The following PIK3AP1 variants were observed in gnomAD, a reference collection of about 807,000 sequenced individuals.
PIK3AP1 encodes phosphoinositide 3-kinase adapter protein 1.
In PIK3AP1, 21 loss-of-function variants were observed where a neutral mutation model predicts 88.1. The observed-to-expected ratio is 0.24, with a 90% confidence interval of 0.17 to 0.34. PIK3AP1 has a LOEUF of 0.34. PIK3AP1 is among the 10% of genes least tolerant of loss of function. The probability of loss-of-function intolerance (pLI) is 1.00; values close to 1 mark genes in which losing one functional copy is unlikely to be tolerated. For synonymous variants in PIK3AP1, 398 were observed against 400.0 expected (o/e 1.00, Z 0.06); for missense variants, 828 against 1,035.7 (o/e 0.80, Z 2.75).
At chr10:96,598,047 T>G (rs1242088696) in intron 16 of PIK3AP1, among the ~76,000 whole-genome samples, 6 of 146,028 alleles carry the variant, frequency 4.1e-5, no homozygotes, top group Admixed American at 6.7e-5. Context: ...TTTTGTTGTT[T>G]TTTTTTTTTT....
chr10:96,626,835 G>A lies in PIK3AP1; in HGVS notation c.1542C>T (p.His514=). 1 of 1,614,196 alleles carries A rather than the reference G, an allele frequency of 6.2e-7. No homozygotes were observed. The highest frequency in any genetic ancestry group is 8.5e-7 in the Non-Finnish European group (1 of 1,179,984). Reference sequence around the variant, plus strand: ...AAAAGGCCTCATCGTCATCCACCGTGTGATAAACATCTTCTTCCTGACCAA... The same window carrying A: ...AAAAGGCCTCATCGTCATCCACCGTATGATAAACATCTTCTTCCTGACCAA... ...CHLGQEEDVY[H]TVDDDEAFSV... The change falls in exon 10 of 17, where the codon CAC becomes CAT. Residue 514 remains histidine (H), a synonymous_variant. Coordinates refer to ENST00000339364, the MANE Select transcript of PIK3AP1 (RefSeq NM_152309.3).
intron 2 of PIK3AP1, among the ~76,000 whole-genome samples, chr10:96,703,157 T>C (rs541184937): frequency 6.6e-6 from 1 of 152,332 alleles, no homozygotes; most frequent in South Asian, 2.1e-4. Flanking sequence ...GAATTACAGT[T>C]GTGAGCCACT....
At chr10:96,699,589 T>C (rs917142122) in intron 2 of PIK3AP1, among the ~76,000 whole-genome samples, 2 of 152,206 alleles carry the variant, frequency 1.3e-5, no homozygotes, top group Admixed American at 1.3e-4. Flanking sequence ...GCAGTGACTG[T>C]CTTTCCTGCT....
At chr10:96,656,740 A>C (rs1564973055) in intron 3 of PIK3AP1, 58 bp downstream of exon 3, 1 of 1,598,458 alleles carries the variant, frequency 6.3e-7, no homozygotes, top group East Asian at 2.2e-5. Flanking sequence ...CAACAAATGC[A>C]TGCATTTGAA....
At chr10:96,656,986 G>T in intron 2 of PIK3AP1, 52 bp from the exon 3 acceptor site, 1 of 1,594,126 alleles carries the variant, frequency 6.3e-7, no homozygotes. Context: ...GAGAACTGTG[G>T]ACATGTTCCA....
intron 3 of PIK3AP1, among the ~76,000 whole-genome samples, chr10:96,654,965 C>T (rs1382850319): frequency 1.3e-5 from 2 of 152,212 alleles, no homozygotes; most frequent in African/African-American, 2.4e-5. Flanking sequence ...TACAGGGTTG[C>T]TTGGCCCCCG....
chr10:96,654,949 C>T (rs1195422795), intron 3 of PIK3AP1, among the ~76,000 whole-genome samples: 1 of 152,200 alleles, frequency 6.6e-6, no homozygotes, highest in Non-Finnish European at 1.5e-5. Flanking sequence ...GGATGCATGG[C>T]CCATGTACAG....
intron 16 of PIK3AP1, among the ~76,000 whole-genome samples, chr10:96,595,861 T>C (rs1304003481): frequency 6.6e-6 from 1 of 152,090 alleles, no homozygotes; most frequent in African/African-American, 2.4e-5. Context: ...ATTCCAAGGA[T>C]CCATCCCAGA....
intron 7 of PIK3AP1, among the ~76,000 whole-genome samples, chr10:96,646,278 T>G (rs557232573): frequency 6.6e-6 from 1 of 151,942 alleles, no homozygotes; most frequent in Non-Finnish European, 1.5e-5. Context: ...AAAAATACTT[T>G]CCCGTGAGCA....
intron 8 of PIK3AP1, among the ~76,000 whole-genome samples, chr10:96,629,589 A>G (rs1243861067): frequency 6.6e-6 from 1 of 151,648 alleles, no homozygotes; most frequent in East Asian, 1.9e-4. Flanking sequence ...ATAAAAAAGA[A>G]ACTCTGGGCC....
Position 96,620,576 on chromosome 10 carries a change from C to T in PIK3AP1, c.1736-19G>A, listed in dbSNP as rs780281146. 5 of 1,608,298 alleles carry T rather than the reference C, an allele frequency of 3.1e-6. No homozygotes were observed. Among genetic ancestry groups the T allele is most frequent in the Non-Finnish European group, 4.2e-6 (5 of 1,176,786 alleles). On this transcript the variant is annotated intron_variant, in intron 11 of 16. Transcript: ENST00000339364. Reference sequence around the variant, plus strand: ...GGCGGCCCTGGAAAGGATGGCAAAACTCAGCTTGACAGCTCCCCCACTGGG... The same window carrying T: ...GGCGGCCCTGGAAAGGATGGCAAAATTCAGCTTGACAGCTCCCCCACTGGG...
intron 2 of PIK3AP1, among the ~76,000 whole-genome samples, chr10:96,664,976 C>T (rs1589525062): frequency 6.6e-6 from 1 of 152,286 alleles, no homozygotes; most frequent in East Asian, 1.9e-4. Flanking sequence ...TGGTCTCAGA[C>T]CTTCCCACCT....
chr10:96,651,889 A>C (rs1359897859), intron 4 of PIK3AP1, among the ~76,000 whole-genome samples: 1 of 152,098 alleles, frequency 6.6e-6, no homozygotes, highest in African/African-American at 2.4e-5. Context: ...TTTGCAACTT[A>C]ATTTTCAAAA....
intron 7 of PIK3AP1, among the ~76,000 whole-genome samples, chr10:96,646,244 A>G (rs1843458147): frequency 6.6e-6 from 1 of 151,234 alleles, no homozygotes; most frequent in African/African-American, 2.4e-5. Context: ...TGGGCAACAG[A>G]GCAAGACTCT....
chr10:96,606,782 A>G (rs1849010109), intron 14 of PIK3AP1, among the ~76,000 whole-genome samples: 1 of 152,136 alleles, frequency 6.6e-6, no homozygotes. Context: ...GTTCTTTTTC[A>G]TCTTTGGTTC....
In PIK3AP1 at chr10:96,595,313, G is replaced by A. The variant is rs1564946969; in HGVS notation, c.*264C>T. On this transcript the variant is annotated 3_prime_UTR_variant, in exon 17 of 17. Transcript: ENST00000339364. ...ATGGCAAATTAGAGGTAAGTATTTC[G>A]ATTAAGTCTTCATCCTTTTGGCAAA... is the stretch of plus-strand genomic sequence containing the variant. 1.6e-5 allele frequency: 7 copies of A among 448,630 alleles called. No individual in the cohort carries two copies. Among genetic ancestry groups the A allele is most frequent in the Admixed American group, 3.9e-5 (1 of 25,470 alleles). 27.8% of individuals were successfully genotyped at this position (448,630 alleles called of 1,614,324 possible). A position where few individuals can be genotyped will look rare whatever the true frequency, so the allele number is the denominator to read the frequency against.
chr10:96,631,582 A>G (rs1843245188), intron 8 of PIK3AP1, among the ~76,000 whole-genome samples: 1 of 152,228 alleles, frequency 6.6e-6, no homozygotes, highest in Non-Finnish European at 1.5e-5. Context: ...GAGTTAAAGA[A>G]AGAACTTAAA....
At chr10:96,712,353 T>A (rs887338784) in intron 1 of PIK3AP1, among the ~76,000 whole-genome samples, 1 of 152,210 alleles carries the variant, frequency 6.6e-6, no homozygotes, top group African/African-American at 2.4e-5. Context: ...GTCTGTTCCC[T>A]CAATTGTGAA....
rs1849071480 is a variant in PIK3AP1, at chr10:96,609,747, C to T, written c.2135G>A (p.Gly712Glu). 6.2e-7 allele frequency: 1 copy of T among 1,614,102 alleles called. No homozygotes were observed. Among genetic ancestry groups the T allele is most frequent in the South Asian group, 1.1e-5 (1 of 91,078 alleles). The change falls in exon 14 of 17, where the codon GGA becomes GAA. Residue 712 changes from glycine (G) to glutamate (E), a missense_variant. Transcript: ENST00000339364. ...VIPPRTELRR[G>E]DWKTDSTSST... ...GGAGGTGCTGTCTGTTTTCCAGTCT[C>T]CTCGTCTCAGCTCCGTCCTAGGGGG...
Sources: gnomAD v4.1 joint callset for allele counts (sites outside exome capture counted in the v4.1 genomes callset) on GRCh38, gnomAD v4.1.1 for gene constraint, MANE v1.5 for transcripts, NCBI Gene and HGNC (gene_info 2026-07-23, HGNC 2026-07-21) for gene names.